The following NDUFA5 variants were observed in gnomAD, a reference collection of about 807,000 sequenced individuals.
NDUFA5 encodes the protein NADH:ubiquinone oxidoreductase subunit A5, also known as NADH dehydrogenase [ubiquinone] 1 alpha subcomplex subunit 5.
Under a neutral mutation model 19.8 loss-of-function variants are expected in NDUFA5, and 11 were observed. The observed-to-expected ratio is 0.56, with a 90% confidence interval of 0.35 to 0.92. The LOEUF is 0.92. NDUFA5 is among the 40% of genes least tolerant of loss of function. NDUFA5 has a pLI of 0.01. For synonymous variants in NDUFA5, 47 were observed against 46.8 expected (o/e 1.00, Z -0.01); for missense variants, 109 against 134.2 (o/e 0.81, Z 0.93).
At chr7:123,545,233 A>G (rs1798087024) in intron 4 of NDUFA5, among the ~76,000 whole-genome samples, 1 of 152,164 alleles carries the variant, frequency 6.6e-6, no homozygotes, top group Non-Finnish European at 1.5e-5. Context: ...AGTACATTTT[A>G]ATTTTATAAT....
intron 1 of NDUFA5, 82 bp downstream of exon 1, chr7:123,557,692 GT>G: frequency 6.2e-7 from 1 of 1,613,990 alleles, no homozygotes; most frequent in Non-Finnish European, 8.5e-7. Context: ...GACAGTAGGG[GT>G]CAACACCCGC....
rs923238612 is a variant in NDUFA5 at position 123,539,056 on chromosome 7, A to G, written c.*3063T>C. The G allele has an allele frequency of 6.6e-6, 1 of 152,148 alleles. No individual in the cohort carries two copies. The highest frequency in any genetic ancestry group is 1.5e-5 in the Non-Finnish European group (1 of 68,020). The allele number at this position is 152,148 out of a possible 1,614,324, so 9.4% of individuals were successfully genotyped here. ...GGAGGGGGAGGGGAGAATGAGGGAG[A>G]GTGAAAGGATACAATAAAACTTGAG... On this transcript the variant is annotated 3_prime_UTR_variant, in exon 5 of 5. Coordinates refer to ENST00000355749, the MANE Select transcript of NDUFA5 (RefSeq NM_005000.5).
the NDUFA5 span, among the ~76,000 whole-genome samples, chr7:123,571,863 C>G: frequency 6.6e-6 from 1 of 152,066 alleles, no homozygotes; most frequent in Non-Finnish European, 1.5e-5. Flanking sequence ...CTCCTGGGCC[C>G]GAGTGATCCT....
At chr7:123,575,777 G>A in the NDUFA5 span, among the ~76,000 whole-genome samples, 2 of 146,452 alleles carry the variant, frequency 1.4e-5, no homozygotes, top group African/African-American at 5.0e-5. Flanking sequence ...TTCCCTTTAT[G>A]AATTATTTGA....
chr7:123,600,363 A>G, the NDUFA5 span, among the ~76,000 whole-genome samples: 2 of 152,218 alleles, frequency 1.3e-5, no homozygotes, highest in Admixed American at 6.5e-5. Flanking sequence ...ATAAACGGAT[A>G]AAACAGGCAT....
the NDUFA5 span, among the ~76,000 whole-genome samples, chr7:123,594,989 C>T: frequency 2.6e-5 from 4 of 152,244 alleles, no homozygotes; most frequent in Non-Finnish European, 4.4e-5. Context: ...AGCATAAAAC[C>T]GCCTACTCAA....
At chr7:123,593,792 G>A in the NDUFA5 span, among the ~76,000 whole-genome samples, 1,181 of 152,180 alleles carry the variant, frequency 7.8e-3, 19 homozygotes, top group African/African-American at 0.027. Context: ...GCTTTGTGGC[G>A]TTCTCTGTAT....
the NDUFA5 span, among the ~76,000 whole-genome samples, chr7:123,579,419 C>A: frequency 2.0e-5 from 3 of 152,062 alleles, no homozygotes; most frequent in African/African-American, 7.2e-5. Flanking sequence ...GTAGAGGTTA[C>A]AATAGTTATA....
At chr7:123,571,837 T>A in the NDUFA5 span, among the ~76,000 whole-genome samples, 1 of 152,186 alleles carries the variant, frequency 6.6e-6, no homozygotes, top group Non-Finnish European at 1.5e-5. Context: ...TGATCATGAC[T>A]CACTGTAGCC....
intron 2 of NDUFA5, chr7:123,555,139 C>T (rs1330797509): frequency 6.6e-6 from 1 of 152,152 alleles, no homozygotes; most frequent in Non-Finnish European, 1.5e-5. Flanking sequence ...TAAGGAAATG[C>T]ATAGGAGATA....
chr7:123,557,579 G>C (rs775302015), intron 1 of NDUFA5, 131 bp from the exon 2 acceptor site: 31 of 1,612,270 alleles, frequency 1.9e-5, no homozygotes, highest in Non-Finnish European at 2.5e-5. Context: ...TCTCAGTCTC[G>C]CTTGTTTGGA....
chr7:123,589,475 C>T, the NDUFA5 span, among the ~76,000 whole-genome samples: 1 of 151,986 alleles, frequency 6.6e-6, no homozygotes, highest in Non-Finnish European at 1.5e-5. Flanking sequence ...CCTCCAGCCC[C>T]CCACCTCTCA....
chr7:123,566,903 C>T, the NDUFA5 span: 1 of 152,164 alleles, frequency 6.6e-6, no homozygotes, highest in African/African-American at 2.4e-5. Context: ...AGGTCATAGT[C>T]TTTGTTCCCT....
chr7:123,587,321 T>C, the NDUFA5 span, among the ~76,000 whole-genome samples: 4 of 151,662 alleles, frequency 2.6e-5, no homozygotes, highest in Non-Finnish European at 5.9e-5. Context: ...ATATGGGATT[T>C]TATTAAAATT....
chr7:123,599,952 A>C, the NDUFA5 span, among the ~76,000 whole-genome samples: 45,536 of 151,986 alleles, frequency 0.3, 6,970 homozygotes, highest in East Asian at 0.4. Context: ...CTTTGAGAAA[A>C]CCCACAGGAA....
chr7:123,548,923 G>C (rs1385060528), intron 3 of NDUFA5, among the ~76,000 whole-genome samples: 1 of 152,042 alleles, frequency 6.6e-6, no homozygotes, highest in Non-Finnish European at 1.5e-5. Context: ...ACCAACCACA[G>C]ATGGAAAATA....
Position 123,538,830 on chromosome 7 carries a change from T to C in NDUFA5, c.*3289A>G, listed in dbSNP as rs1252379510. 1 of 152,202 alleles carries C rather than the reference T, an allele frequency of 6.6e-6. No individual in the cohort carries two copies. The highest frequency in any genetic ancestry group is 1.5e-5 in the Non-Finnish European group (1 of 68,040). 9.4% of individuals were successfully genotyped at this position (152,202 alleles called of 1,614,324 possible). A position where few individuals can be genotyped will look rare whatever the true frequency, so the allele number is the denominator to read the frequency against. ...AGACTTCTGTATGTTTACATAATCATAGAGGATGGGAGGAAAAAGAAAAAG... is the reference window on the plus strand; with the variant it reads ...AGACTTCTGTATGTTTACATAATCACAGAGGATGGGAGGAAAAAGAAAAAG... On this transcript the variant is annotated 3_prime_UTR_variant, in exon 5 of 5. Coordinates refer to ENST00000355749, the MANE Select transcript of NDUFA5 (RefSeq NM_005000.5).
intron 2 of NDUFA5, chr7:123,556,376 T>C (rs1798539340): frequency 1.3e-5 from 2 of 154,894 alleles, no homozygotes; most frequent in African/African-American, 4.8e-5. Flanking sequence ...AGTGTATAGG[T>C]GGTATTTAAA....
the NDUFA5 span, among the ~76,000 whole-genome samples, chr7:123,595,413 TTC>T: frequency 6.6e-6 from 1 of 152,184 alleles, no homozygotes; most frequent in African/African-American, 2.4e-5. Context: ...CTCTATACCT[TTC>T]TGTGTCGGGT....
Sources: gnomAD v4.1 joint callset for allele counts (sites outside exome capture counted in the v4.1 genomes callset) on GRCh38, gnomAD v4.1.1 for gene constraint, MANE v1.5 for transcripts, NCBI Gene and HGNC (gene_info 2026-07-23, HGNC 2026-07-21) for gene names.